The following P2RX7 variants were observed in gnomAD, a reference collection of about 807,000 sequenced individuals.
The protein encoded by P2RX7 is purinergic receptor P2X 7.
A neutral mutation model predicts 71.6 loss-of-function variants in P2RX7; 62 were observed. That is an observed-to-expected ratio of 0.87 (90% CI 0.71 to 1.07). P2RX7 has a LOEUF of 1.07. P2RX7 is among the 50% of genes least tolerant of loss of function. The pLI, the probability that P2RX7 is intolerant of heterozygous loss-of-function variation, is 0.00. For missense variants in P2RX7, 686 were observed against 748.5 expected (o/e 0.92, Z 0.97); for synonymous variants, 299 against 283.3 (o/e 1.06, Z -0.56).
Position 121,184,606 on chromosome 12 carries a change from A to G in P2RX7, c.1592A>G (p.Glu531Gly), listed in dbSNP as rs773375060. ...CTGCAGTTCCTCCTGCTCTACCAGG[A>G]GCCCTTGCTGGCGCTGGATGTGGAT... ...HVLQFLLLYQ[E>G]PLLALDVDST... The change falls in exon 13 of 13, where the codon GAG (glutamate) becomes GGG (glycine). Residue 531 changes from glutamate (E) to glycine (G), a missense_variant. By Grantham distance (98) the Glu-to-Gly change is moderately conservative (BLOSUM62 -2). Transcript: ENST00000328963. 1 of 1,613,464 alleles carries G rather than the reference A, an allele frequency of 6.2e-7. No individual in the cohort carries two copies. The highest frequency in any genetic ancestry group is 8.5e-7 in the Non-Finnish European group (1 of 1,179,786).
rs28969482 is a variant in P2RX7, at chr12:121,185,084, A to C, written c.*282A>C. Reference sequence around the variant, plus strand: ...TGGGAGGCACAGCAAACTGTCCCCCAAAAAAAAAAAAGAGTCCTTACCAAT... The same window carrying C: ...TGGGAGGCACAGCAAACTGTCCCCCCAAAAAAAAAAAGAGTCCTTACCAAT... On this transcript the variant is annotated 3_prime_UTR_variant, in exon 13 of 13. Coordinates refer to ENST00000328963, the MANE Select transcript of P2RX7 (RefSeq NM_002562.6). 0.02 allele frequency: 4,596 copies of C among 230,716 alleles called. 53 individuals carry two copies. The highest frequency in any genetic ancestry group is 0.034 in the Middle Eastern group (22 of 646). The allele number at this position is 230,716 out of a possible 1,614,324, so 14.3% of individuals were successfully genotyped here. A position where few individuals can be genotyped will look rare whatever the true frequency, so the allele number is the denominator to read the frequency against.
At chr12:121,156,002 C>G in intron 2 of P2RX7, 77 bp from the exon 3 acceptor site, 1 of 1,345,214 alleles carries the variant, frequency 7.4e-7, no homozygotes, top group Non-Finnish European at 1.1e-6. Flanking sequence ...GAGGTTCGCC[C>G]AGCAAGCTGG....
intron 3 of P2RX7, among the ~76,000 whole-genome samples, chr12:121,160,098 TTTC>T (rs373863714): frequency 2.0e-4 from 30 of 152,090 alleles, no homozygotes; most frequent in African/African-American, 2.2e-4. Flanking sequence ...TCCTTCTTTC[TTTC>T]TTTTTTTTTC....
intron 7 of P2RX7, 47 bp downstream of exon 7, chr12:121,166,234 A>T: frequency 6.3e-7 from 1 of 1,589,650 alleles, no homozygotes; most frequent in Non-Finnish European, 8.6e-7. Context: ...GTGTCTAGGG[A>T]TGGAGGATGT....
intron 1 of P2RX7, among the ~76,000 whole-genome samples, chr12:121,142,136 G>C (rs1032276806): frequency 6.6e-6 from 1 of 152,202 alleles, no homozygotes; most frequent in East Asian, 1.9e-4. Flanking sequence ...AATGAGGGGT[G>C]TCTGAGGCTG....
At chr12:121,174,765 CTTG>C (rs902064538) in intron 8 of P2RX7, among the ~76,000 whole-genome samples, 3 of 151,508 alleles carry the variant, frequency 2.0e-5, no homozygotes, top group Non-Finnish European at 4.4e-5. Flanking sequence ...AATTTCTCTG[CTTG>C]TTGTTAATCC....
intron 5 of P2RX7, among the ~76,000 whole-genome samples, chr12:121,163,342 A>G (rs1023518592): frequency 1.6e-5 from 2 of 126,734 alleles, no homozygotes; most frequent in African/African-American, 6.2e-5. Flanking sequence ...ACACACACAC[A>G]CACACACACA....
chr12:121,140,202 G>T (rs964808788), intron 1 of P2RX7, among the ~76,000 whole-genome samples: 4 of 151,184 alleles, frequency 2.6e-5, no homozygotes, highest in Non-Finnish European at 4.4e-5. Context: ...ACAGTACGAA[G>T]AGAACAGTAA....
At chr12:121,146,571 G>A (rs75787674) in intron 1 of P2RX7, among the ~76,000 whole-genome samples, 6,436 of 152,110 alleles carry the variant, frequency 0.042, 432 homozygotes, top group African/African-American at 0.15. Context: ...GGATTACAGC[G>A]TGAGCCACTG....
At position 121,184,559 on chromosome 12, in the gene P2RX7, G is replaced by A. The variant is rs201041069; in HGVS notation, c.1545G>A (p.Lys515=). The A allele has an allele frequency of 2.5e-6, 4 of 1,614,098 alleles. No individual in the cohort carries two copies. The highest frequency in any genetic ancestry group is 2.7e-5 in the African/African-American group (2 of 74,952). ...TCACCACCTCAGAGCTGTTCAGGAA[G>A]CTGGTCCTGTCCAGACACGTCCTGC... ...ACITTSELFR[K]LVLSRHVLQF... The change falls in exon 13 of 13, where the codon AAG becomes AAA. Residue 515 remains lysine (K), a synonymous_variant. Transcript: ENST00000328963.
chr12:121,166,523 G>A lies in P2RX7; in HGVS notation c.744+336G>A, dbSNP rs535523588. Reference sequence around the variant, plus strand: ...CCTGAGCCAGGGCAGTGCTCCCTCCGGGACTTTAAGGGAGAATCCAGTTCC... The same window carrying A: ...CCTGAGCCAGGGCAGTGCTCCCTCCAGGACTTTAAGGGAGAATCCAGTTCC... On this transcript the variant is annotated intron_variant, in intron 7 of 12. Transcript: ENST00000328963. Among the ~76,000 whole-genome samples, 86 of 152,172 alleles carry A rather than the reference G, an allele frequency of 5.7e-4. 2 individuals carry two copies. Among genetic ancestry groups the A allele is most frequent in the African/African-American group, 1.7e-3 (72 of 41,536 alleles).
chr12:121,145,350 G>A (rs1187600039), intron 1 of P2RX7, among the ~76,000 whole-genome samples: 1 of 152,126 alleles, frequency 6.6e-6, no homozygotes, highest in African/African-American at 2.4e-5. Context: ...GGTCCATGGT[G>A]TATCTATTGG....
At position 121,140,813 on chromosome 12, in the gene P2RX7, G is replaced by A. The variant is rs900194290; in HGVS notation, c.125+7718G>A. ...AAAAATAATAAATAAAGGGCCAGGCGTGGTGGCTCAACGCCTGTAATCCCA... is the reference window on the plus strand; with the variant it reads ...AAAAATAATAAATAAAGGGCCAGGCATGGTGGCTCAACGCCTGTAATCCCA... On this transcript the variant is annotated intron_variant, in intron 1 of 12. Coordinates refer to ENST00000328963, the MANE Select transcript of P2RX7 (RefSeq NM_002562.6). Among the ~76,000 whole-genome samples, 7 of 152,162 alleles carry A rather than the reference G, an allele frequency of 4.6e-5. No homozygotes were observed. In the East Asian group the frequency reaches 1.2e-3, roughly 25 times the overall value.
Position 121,185,601 on chromosome 12 carries a change from GTTTTAT to G in P2RX7, c.*800_*805del, listed in dbSNP as rs2136183730. 1 of 152,736 alleles carries G rather than the reference GTTTTAT, an allele frequency of 6.5e-6. No individual in the cohort carries two copies. The highest frequency in any genetic ancestry group is 1.5e-5 in the Non-Finnish European group (1 of 68,042). The allele number at this position is 152,736 out of a possible 1,614,324, so 9.5% of individuals were successfully genotyped here. A position where few individuals can be genotyped will look rare whatever the true frequency, so the allele number is the denominator to read the frequency against. On this transcript the variant is annotated 3_prime_UTR_variant, in exon 13 of 13. Transcript: ENST00000328963. ...CACTCAAGTCCCCCAAGACCTAAGG[GTTTTAT>G]CTCCTCCCCTTGAATATGGGTGGCT...
rs891684131 is a variant in P2RX7, at chr12:121,162,315, G to A, written c.437-109G>A. 1.9e-5 allele frequency: 28 copies of A among 1,492,000 alleles called. No homozygotes were observed. The East Asian group carries it at 6.7e-4, about 36-fold the overall frequency. The allele number at this position is 1,492,000 out of a possible 1,614,324, so 92.4% of individuals were successfully genotyped here. A position where few individuals can be genotyped will look rare whatever the true frequency, so the allele number is the denominator to read the frequency against. ...GAAGCTGCGTGGGTTGGAAAGCCTG[G>A]TCAAAGCCTAGTCTCTCGCCCGGGT... On this transcript the variant is annotated intron_variant, in intron 4 of 12. Coordinates refer to ENST00000328963, the MANE Select transcript of P2RX7 (RefSeq NM_002562.6).
At chr12:121,134,436 G>A (rs1873081454) in intron 1 of P2RX7, among the ~76,000 whole-genome samples, 1 of 152,148 alleles carries the variant, frequency 6.6e-6, no homozygotes, top group Non-Finnish European at 1.5e-5. Context: ...CTGTTGCCCA[G>A]GCTGGAGTGC....
At chr12:121,172,552 G>A (rs1271593456) in intron 8 of P2RX7, among the ~76,000 whole-genome samples, 1 of 152,146 alleles carries the variant, frequency 6.6e-6, no homozygotes, top group Non-Finnish European at 1.5e-5. Context: ...GATGACTTGA[G>A]CCCGGGAGGC....
At position 121,132,884 on chromosome 12, in the gene P2RX7, T is replaced by C. The variant is rs1428955895; in HGVS notation, c.-87T>C. ...TGCTAAAAACCAGTACGTTTCATTTTGCAGTTACTGGGAGGGGGCTTGCTG... is the reference window on the plus strand; with the variant it reads ...TGCTAAAAACCAGTACGTTTCATTTCGCAGTTACTGGGAGGGGGCTTGCTG... On this transcript the variant is annotated 5_prime_UTR_variant, in exon 1 of 13. Coordinates refer to ENST00000328963, the MANE Select transcript of P2RX7 (RefSeq NM_002562.6). The C allele has an allele frequency of 1.3e-6, 2 of 1,492,342 alleles. No homozygotes were observed. The highest frequency in any genetic ancestry group is 1.4e-5 in the African/African-American group (1 of 72,594). The allele number at this position is 1,492,342 out of a possible 1,614,324, so 92.4% of individuals were successfully genotyped here.
Position 121,179,455 on chromosome 12 carries a change from G to A in P2RX7, c.1189-899G>A, listed in dbSNP as rs541126061. 2.6e-3 allele frequency among the ~76,000 whole-genome samples: 386 copies of A among 149,570 alleles called. 6 individuals are homozygous for A. The South Asian group carries it at 0.029, about 11-fold the overall frequency. On this transcript the variant is annotated intron_variant, in intron 11 of 12. Transcript: ENST00000328963. ...GTGGAGGTTGTGGTGAGCCAGGATT[G>A]CGCCATTGCACTCCAGCCTGGGCAA... is the stretch of plus-strand genomic sequence containing the variant.
Sources: gnomAD v4.1 joint callset for allele counts (sites outside exome capture counted in the v4.1 genomes callset) on GRCh38, gnomAD v4.1.1 for gene constraint, MANE v1.5 for transcripts, NCBI Gene and HGNC (gene_info 2026-07-23, HGNC 2026-07-21) for gene names.